The following EFCAB13 variants were observed in gnomAD, a reference collection of about 807,000 sequenced individuals.
EFCAB13 encodes EF-hand calcium binding domain 13, also known as EF-hand calcium-binding domain-containing protein 13.
In EFCAB13, 91 loss-of-function variants were observed where a neutral mutation model predicts 110.2. That is an observed-to-expected ratio of 0.83 (90% CI 0.70 to 0.98). The LOEUF (loss-of-function observed/expected upper bound fraction) is 0.98. Among genes scored for constraint, EFCAB13 ranks in the 50% least tolerant of loss-of-function variants. EFCAB13 has a pLI of 0.00. For missense variants in EFCAB13, 968 were observed against 1,119.4 expected (o/e 0.86, Z 1.93); for synonymous variants, 323 against 369.9 (o/e 0.87, Z 1.45).
At chr17:47,416,954 G>A (rs1206449529) in intron 23 of EFCAB13, among the ~76,000 whole-genome samples, 3 of 152,130 alleles carry the variant, frequency 2.0e-5, no homozygotes, top group Non-Finnish European at 4.4e-5. Flanking sequence ...AAAACGAGTG[G>A]CTACACTGTC....
At chr17:47,406,834 T>C (rs2065807955) in intron 20 of EFCAB13, among the ~76,000 whole-genome samples, 1 of 152,194 alleles carries the variant, frequency 6.6e-6, no homozygotes, top group Non-Finnish European at 1.5e-5. Context: ...ATGAATCTTC[T>C]CTCTAGACTC....
chr17:47,397,031 C>G (rs1273562604), intron 17 of EFCAB13, among the ~76,000 whole-genome samples: 3 of 147,702 alleles, frequency 2.0e-5, no homozygotes, highest in Non-Finnish European at 4.5e-5. Flanking sequence ...TCCCCCTCCC[C>G]CTCCCCCTCC....
chr17:47,335,266 T>C lies in EFCAB13; in HGVS notation c.101T>C (p.Ile34Thr), dbSNP rs1370576970. Residue 34 changes from isoleucine to threonine, a missense_variant, in exon 5 of 25, where the codon ATT (isoleucine) becomes ACT (threonine). Transcript: ENST00000331493. ...GCAACTGACTTGTCATCAGGAACTA[T>C]TAACCACAAGAAATACATCAAGTTT... is the stretch of plus-strand genomic sequence containing the variant. ...SFATDLSSGT[I>T]NHKKYIKFSK... 6.2e-7 allele frequency: 1 copy of C among 1,611,768 alleles called. No individual in the cohort carries two copies. Among genetic ancestry groups the C allele is most frequent in the African/African-American group, 1.3e-5 (1 of 74,844 alleles).
At chr17:47,340,396 G>A (rs973755145) in intron 5 of EFCAB13, among the ~76,000 whole-genome samples, 5 of 152,066 alleles carry the variant, frequency 3.3e-5, no homozygotes, top group African/African-American at 1.2e-4. Flanking sequence ...GGAGGCTGAG[G>A]TGGGGCAATC....
At chr17:47,351,369 G>A (rs1221043256) in intron 9 of EFCAB13, among the ~76,000 whole-genome samples, 1 of 150,168 alleles carries the variant, frequency 6.7e-6, no homozygotes, top group Non-Finnish European at 1.5e-5. Context: ...GGACACTTAG[G>A]TTGATTTTAT....
intron 23 of EFCAB13, among the ~76,000 whole-genome samples, chr17:47,416,014 T>C (rs1904430730): frequency 1.3e-5 from 2 of 152,156 alleles, no homozygotes; most frequent in South Asian, 4.1e-4. Flanking sequence ...CAATGGCGTA[T>C]TTCTAAATGC....
At chr17:47,347,310 A>G (rs900625220) in intron 8 of EFCAB13, among the ~76,000 whole-genome samples, 3 of 152,186 alleles carry the variant, frequency 2.0e-5, no homozygotes, top group African/African-American at 7.2e-5. Context: ...ACTATCATCA[A>G]TTGCCTCTTT....
chr17:47,411,912 C>T (rs1011802260), intron 21 of EFCAB13, among the ~76,000 whole-genome samples: 1 of 151,950 alleles, frequency 6.6e-6, no homozygotes, highest in Admixed American at 6.6e-5. Flanking sequence ...GCCAACATGG[C>T]GAAACCCCGT....
At chr17:47,331,056 A>AT (rs1215563980) in intron 4 of EFCAB13, among the ~76,000 whole-genome samples, 3 of 151,950 alleles carry the variant, frequency 2.0e-5, no homozygotes, top group Non-Finnish European at 4.4e-5. Context: ...TTTGTTGACC[A>AT]TTTGTATATC....
chr17:47,378,846 A>G (rs1352809840), intron 13 of EFCAB13, among the ~76,000 whole-genome samples: 1 of 152,146 alleles, frequency 6.6e-6, no homozygotes, highest in African/African-American at 2.4e-5. Context: ...CTCATGGTCT[A>G]TCTATATGGA....
chr17:47,335,174 T>C (rs760333442), intron 4 of EFCAB13, 22 bp from the exon 5 acceptor site: 5 of 1,571,448 alleles, frequency 3.2e-6, no homozygotes, highest in South Asian at 1.2e-5. Context: ...ACATGCTTGA[T>C]TGTGGCTCTT....
intron 4 of EFCAB13, among the ~76,000 whole-genome samples, chr17:47,333,055 C>A (rs1425214271): frequency 6.6e-6 from 1 of 152,214 alleles, no homozygotes; most frequent in African/African-American, 2.4e-5. Context: ...CTTTTCTCCA[C>A]ATCCTTGCCA....
At chr17:47,370,378 G>C (rs1363216741) in intron 10 of EFCAB13, 59 bp from the exon 11 acceptor site, 3 of 1,129,164 alleles carry the variant, frequency 2.7e-6, no homozygotes, top group Non-Finnish European at 2.7e-6. Context: ...ATTAGAATAG[G>C]ATGGCAGATA....
chr17:47,366,097 TTTGGTATATTG>T (rs1397785125), intron 10 of EFCAB13, among the ~76,000 whole-genome samples: 1 of 152,096 alleles, frequency 6.6e-6, no homozygotes, highest in African/African-American at 2.4e-5. Context: ...TATTTTTGCA[TTTGGTATATTG>T]TTGGAGATGA....
At chr17:47,380,623 A>G (rs1435220163) in intron 14 of EFCAB13, among the ~76,000 whole-genome samples, 1 of 152,128 alleles carries the variant, frequency 6.6e-6, no homozygotes, top group African/African-American at 2.4e-5. Context: ...GTCAAATGGT[A>G]TTTCTGGTTC....
intron 3 of EFCAB13, 75 bp from the exon 4 acceptor site, chr17:47,328,192 TAA>T: frequency 2.8e-6 from 2 of 708,712 alleles, no homozygotes; most frequent in Admixed American, 2.3e-5. Flanking sequence ...ATTGAAGAGA[TAA>T]CTTCAGGTAG....
At chr17:47,328,182 A>T in intron 3 of EFCAB13, 87 bp from the exon 4 acceptor site, 1 of 684,338 alleles carries the variant, frequency 1.5e-6, no homozygotes. Flanking sequence ...TCAGTGTTAC[A>T]TTGAAGAGAT....
intron 23 of EFCAB13, among the ~76,000 whole-genome samples, chr17:47,423,209 C>G (rs775721842): frequency 2.7e-4 from 41 of 151,796 alleles, no homozygotes; most frequent in Non-Finnish European, 5.2e-4. Context: ...TACATTGTAT[C>G]AATGTAATAA....
chr17:47,332,988 A>G (rs2065328590), intron 4 of EFCAB13, among the ~76,000 whole-genome samples: 1 of 152,206 alleles, frequency 6.6e-6, no homozygotes, highest in African/African-American at 2.4e-5. Context: ...AGGAACCTCC[A>G]TACTGTTTTC....
Sources: gnomAD v4.1 joint callset for allele counts (sites outside exome capture counted in the v4.1 genomes callset) on GRCh38, gnomAD v4.1.1 for gene constraint, MANE v1.5 for transcripts, NCBI Gene and HGNC (gene_info 2026-07-23, HGNC 2026-07-21) for gene names.